SUSD4: variants seen among roughly 807,000 people sequenced by gnomAD.
The protein encoded by SUSD4 is sushi domain containing 4, also known as sushi domain-containing protein 4.
SUSD4 carries 41 observed loss-of-function variants against 50.5 expected under a neutral mutation model. The observed-to-expected ratio is 0.81, with a 90% confidence interval of 0.63 to 1.05. The LOEUF is 1.05. Ranked by LOEUF, SUSD4 falls within the 50% of genes least tolerant of loss-of-function variation. The pLI is 0.00. For synonymous variants in SUSD4, 257 were observed against 257.3 expected (o/e 1.00, Z 0.01); for missense variants, 580 against 634.7 (o/e 0.91, Z 0.93).
intron 2 of SUSD4, among the ~76,000 whole-genome samples, chr1:223,301,807 C>T (rs747621699): frequency 2.2e-4 from 34 of 152,144 alleles, no homozygotes; most frequent in Admixed American, 4.6e-4. Flanking sequence ...TAAAATGAAC[C>T]GTGTCAGTTT....
intron 5 of SUSD4, among the ~76,000 whole-genome samples, chr1:223,239,060 A>C (rs1571858234): frequency 6.6e-6 from 1 of 151,916 alleles, no homozygotes. Context: ...TGGGGAATTG[A>C]CCCCTTTGTT....
At chr1:223,351,370 G>A (rs375692233) in intron 2 of SUSD4, among the ~76,000 whole-genome samples, 10 of 152,352 alleles carry the variant, frequency 6.6e-5, no homozygotes, top group African/African-American at 1.9e-4. Context: ...GCTCAGCCAG[G>A]TGCCCTCAGT....
chr1:223,268,410 T>C lies in SUSD4; in HGVS notation c.535+92A>G, dbSNP rs146886656. The C allele has an allele frequency of 6.3e-3, 9,225 of 1,474,884 alleles. 38 individuals are homozygous for C. The highest frequency in any genetic ancestry group is 0.01 in the Middle Eastern group (57 of 5,508). The allele number at this position is 1,474,884 out of a possible 1,614,324, so 91.4% of individuals were successfully genotyped here. On this transcript the variant is annotated intron_variant, in intron 4 of 8. Coordinates refer to ENST00000366878, the MANE Select transcript of SUSD4 (RefSeq NM_017982.4). Reference sequence around the variant, plus strand: ...GGCTTTGTTCATTTCGCCCATCATCTCTATCACTTTATTAGATAAACATGT... The same window carrying C: ...GGCTTTGTTCATTTCGCCCATCATCCCTATCACTTTATTAGATAAACATGT...
chr1:223,259,122 T>C (rs574161470), intron 5 of SUSD4, among the ~76,000 whole-genome samples: 2 of 152,322 alleles, frequency 1.3e-5, no homozygotes, highest in South Asian at 2.1e-4. Context: ...GCACAACTCA[T>C]TTGCCACTGT....
chr1:223,319,953 T>C (rs1223608576), intron 2 of SUSD4, among the ~76,000 whole-genome samples: 3 of 152,212 alleles, frequency 2.0e-5, no homozygotes, highest in Non-Finnish European at 1.5e-5. Flanking sequence ...AAGGTGGTCT[T>C]GGCTGGACAA....
chr1:223,237,767 T>C (rs991764288), intron 5 of SUSD4, among the ~76,000 whole-genome samples: 2 of 152,058 alleles, frequency 1.3e-5, no homozygotes, highest in African/African-American at 2.4e-5. Flanking sequence ...TTGAGGATTT[T>C]TGCATCTATG....
intron 5 of SUSD4, among the ~76,000 whole-genome samples, chr1:223,259,864 T>C (rs1661976368): frequency 6.6e-6 from 1 of 152,146 alleles, no homozygotes; most frequent in African/African-American, 2.4e-5. Flanking sequence ...CAAACCACTG[T>C]GCTGGAGCCT....
At chr1:223,362,211 C>T (rs1669022464) in intron 2 of SUSD4, among the ~76,000 whole-genome samples, 1 of 152,198 alleles carries the variant, frequency 6.6e-6, no homozygotes, top group Non-Finnish European at 1.5e-5. Context: ...TAAAGCCCAA[C>T]TTATTACACC....
At chr1:223,260,645 A>T (rs1362000799) in intron 5 of SUSD4, among the ~76,000 whole-genome samples, 4 of 152,220 alleles carry the variant, frequency 2.6e-5, no homozygotes, top group Admixed American at 2.0e-4. Context: ...ATTGATTTTA[A>T]AACATTACAG....
At chr1:223,321,848 T>C (rs950607247) in intron 2 of SUSD4, among the ~76,000 whole-genome samples, 2 of 152,256 alleles carry the variant, frequency 1.3e-5, no homozygotes, top group African/African-American at 4.8e-5. Flanking sequence ...TGTGCTTCTT[T>C]ATTAAAACAT....
At position 223,307,285 on chromosome 1, in the gene SUSD4, T is replaced by A. The variant is rs557961647; in HGVS notation, c.149-14634A>T. Among the ~76,000 whole-genome samples, 3 of 152,360 alleles carry A rather than the reference T, an allele frequency of 2.0e-5. No homozygotes were observed. In the South Asian group the frequency reaches 6.2e-4, roughly 32 times the overall value. ...TTGTTTTTTATGAAATCAAATTTCC[T>A]TTCTTTTCTGTGAGCAACAGCTTTA... On this transcript the variant is annotated intron_variant, in intron 2 of 8. Transcript: ENST00000366878.
At chr1:223,233,699 T>A (rs1168485809) in intron 5 of SUSD4, among the ~76,000 whole-genome samples, 1 of 152,202 alleles carries the variant, frequency 6.6e-6, no homozygotes, top group Non-Finnish European at 1.5e-5. Context: ...GCTATGGCAC[T>A]TTTTTCTGTT....
At chr1:223,264,930 A>G in intron 4 of SUSD4, 112 bp from the exon 5 acceptor site, 1 of 1,082,406 alleles carries the variant, frequency 9.2e-7, no homozygotes, top group Non-Finnish European at 1.3e-6. Context: ...GAAGGTGAAA[A>G]TGGCACCACC....
At chr1:223,228,540 C>G (rs1327927834) in intron 6 of SUSD4, among the ~76,000 whole-genome samples, 1 of 152,212 alleles carries the variant, frequency 6.6e-6, no homozygotes, top group Non-Finnish European at 1.5e-5. Flanking sequence ...GCCCCAGTCT[C>G]TATCCTGTGG....
chr1:223,275,428 C>T (rs1182995849), intron 3 of SUSD4, among the ~76,000 whole-genome samples: 1 of 152,086 alleles, frequency 6.6e-6, no homozygotes, highest in Non-Finnish European at 1.5e-5. Flanking sequence ...GAAAGTTCAA[C>T]AACAAGGAAG....
chr1:223,350,491 C>T lies in SUSD4; in HGVS notation c.148+12787G>A, dbSNP rs891796389. 1.7e-4 allele frequency among the ~76,000 whole-genome samples: 26 copies of T among 152,196 alleles called. 1 individual carries two copies. Among genetic ancestry groups the T allele is most frequent in the Non-Finnish European group, 2.9e-5 (2 of 68,034 alleles). ...TCACTCCCAAGAGAGGGGCAAGGCG[C>T]AAGTCAAGGCCAGACATCAATCCTC... On this transcript the variant is annotated intron_variant, in intron 2 of 8. Transcript: ENST00000366878.
At chr1:223,336,507 A>G (rs1667465098) in intron 2 of SUSD4, among the ~76,000 whole-genome samples, 1 of 152,226 alleles carries the variant, frequency 6.6e-6, no homozygotes, top group Admixed American at 6.5e-5. Flanking sequence ...AGCACTCAGG[A>G]CTGGAAGCAC....
At position 223,332,993 on chromosome 1, in the gene SUSD4, T is replaced by A. The variant is rs1667259228; in HGVS notation, c.148+30285A>T. Among the ~76,000 whole-genome samples, 1 of 152,048 alleles carries A rather than the reference T, an allele frequency of 6.6e-6. No individual in the cohort carries two copies. The highest frequency in any genetic ancestry group is 6.5e-5 in the Admixed American group (1 of 15,278). On this transcript the variant is annotated intron_variant, in intron 2 of 8. Coordinates refer to ENST00000366878, the MANE Select transcript of SUSD4 (RefSeq NM_017982.4). This position sits in a 1 kb window ranked among gnomAD's most constrained non-coding sequence, Gnocchi z 4.0. The stretch of plus-strand genomic sequence containing the variant: ...CACACCCTCCTCTCCCACACAGTTG[T>A]CCTGGGGAAATCATGTCAGCACCAG...
intron 2 of SUSD4, among the ~76,000 whole-genome samples, chr1:223,349,120 C>T (rs779701285): frequency 3.9e-5 from 6 of 152,012 alleles, no homozygotes; most frequent in Non-Finnish European, 5.9e-5. Flanking sequence ...TAGAATGGCA[C>T]CAGCACCAAA....
Sources: gnomAD v4.1 joint callset for allele counts (sites outside exome capture counted in the v4.1 genomes callset) on GRCh38, gnomAD v4.1.1 for gene constraint, Gnocchi (gnomAD v3.1) non-coding constraint, MANE v1.5 for transcripts, NCBI Gene and HGNC (gene_info 2026-07-23, HGNC 2026-07-21) for gene names.